The following STON2 variants were observed in gnomAD, a reference collection of about 807,000 sequenced individuals.
The protein encoded by STON2 is stonin 2, also known as stonin-2.
STON2 carries 29 observed loss-of-function variants against 65.7 expected under a neutral mutation model. That is an observed-to-expected ratio of 0.44 (90% CI 0.33 to 0.60). The LOEUF (loss-of-function observed/expected upper bound fraction) is 0.60, where lower values mean the gene tolerates loss of function less well. STON2 is among the 20% of genes least tolerant of loss of function. The pLI is 0.03. For synonymous variants in STON2, 404 were observed against 414.2 expected (o/e 0.98, Z 0.30); for missense variants, 1,054 against 1,118.1 (o/e 0.94, Z 0.82).
intron 5 of STON2, among the ~76,000 whole-genome samples, chr14:81,321,370 T>TAA (rs566882924): frequency 1.8e-3 from 223 of 126,710 alleles, no homozygotes; most frequent in African/African-American, 5.8e-3. Flanking sequence ...GTTTCTACTT[T>TAA]AAAAAAAAAA....
At chr14:81,363,153 T>C (rs1292233048) in intron 4 of STON2, among the ~76,000 whole-genome samples, 1 of 152,200 alleles carries the variant, frequency 6.6e-6, no homozygotes, top group African/African-American at 2.4e-5. Flanking sequence ...TGTGTGACTT[T>C]TGCCAAATCA....
Position 81,277,887 on chromosome 14 carries a change from T to A in STON2, c.1595A>T (p.Lys532Met). ...TGAAATCTCATGACAGATCTCCAGC[T>A]TGAACTCACGGAATGGTTTTTCTAG... Reference protein sequence around the residue: ...QGLEKPFREFKLEICHEISEP... With the variant: ...QGLEKPFREFMLEICHEISEP... Residue 532 changes from lysine to methionine, a missense_variant, in exon 6 of 8, where the codon AAG becomes ATG. Lys to Met is a moderately conservative substitution (Grantham distance 95). Coordinates refer to ENST00000614646, the MANE Select transcript of STON2 (RefSeq NM_001394390.1). 1 of 1,614,218 alleles carries A rather than the reference T, an allele frequency of 6.2e-7. No individual in the cohort carries two copies. The highest frequency in any genetic ancestry group is 8.5e-7 in the Non-Finnish European group (1 of 1,180,042).
At chr14:81,354,893 T>C (rs1268498573) in intron 4 of STON2, among the ~76,000 whole-genome samples, 3 of 151,938 alleles carry the variant, frequency 2.0e-5, no homozygotes, top group Non-Finnish European at 4.4e-5. Flanking sequence ...GGCACGTTCC[T>C]GTAATCCCAG....
At chr14:81,401,355 G>A (rs1056604992), upstream of STON2, among the ~76,000 whole-genome samples, 5 of 152,168 alleles carry the variant, frequency 3.3e-5, no homozygotes, top group African/African-American at 1.2e-4. Flanking sequence ...CCAGACATGG[G>A]CTGGTGACAG....
At chr14:81,421,779 G>C (rs1369508003) in intron 2 of STON2, among the ~76,000 whole-genome samples, 1 of 152,222 alleles carries the variant, frequency 6.6e-6, no homozygotes, top group African/African-American at 2.4e-5. Context: ...CCAGTGATTT[G>C]ATGGGCCCGT....
intron 5 of STON2, among the ~76,000 whole-genome samples, chr14:81,305,587 T>C (rs1896142093): frequency 6.6e-6 from 1 of 152,232 alleles, no homozygotes; most frequent in Non-Finnish European, 1.5e-5. Context: ...GTTTTTTTTA[T>C]ATATTCAGGA....
intron 5 of STON2, among the ~76,000 whole-genome samples, chr14:81,320,399 G>A (rs1391809497): frequency 9.8e-5 from 3 of 30,708 alleles, no homozygotes; most frequent in Non-Finnish European, 2.1e-4. Flanking sequence ...CCTATCTCAA[G>A]GAAATAGATT....
chr14:81,399,392 A>G (rs1900489838), intron 1 of STON2, among the ~76,000 whole-genome samples: 1 of 152,246 alleles, frequency 6.6e-6, no homozygotes, highest in Admixed American at 6.5e-5. Flanking sequence ...AAGAGCTACT[A>G]TATACCTTGA....
chr14:81,388,366 C>G (rs191800696), intron 3 of STON2, among the ~76,000 whole-genome samples: 1 of 152,152 alleles, frequency 6.6e-6, no homozygotes, highest in African/African-American at 2.4e-5. Flanking sequence ...AAGTTGTTGC[C>G]TTGATGATTT....
intron 5 of STON2, among the ~76,000 whole-genome samples, chr14:81,302,453 G>A (rs1267523006): frequency 6.6e-6 from 1 of 152,210 alleles, no homozygotes; most frequent in Non-Finnish European, 1.5e-5. Flanking sequence ...GCAGGTTAGT[G>A]CTTCTGAATG....
In STON2 at chr14:81,263,703, G is replaced by C; in HGVS notation, c.*4711C>G. ...ATTGGACCTCCCTGACTAAGGTCTA[G>C]ATATGCTGGAATTAACATATAATCC... On this transcript the variant is annotated 3_prime_UTR_variant, in exon 8 of 8. Coordinates refer to ENST00000614646, the MANE Select transcript of STON2 (RefSeq NM_001394390.1). 4 of 984,580 alleles carry C rather than the reference G, an allele frequency of 4.1e-6. No homozygotes were observed. The highest frequency in any genetic ancestry group is 4.8e-6 in the Non-Finnish European group (4 of 829,222). 61.0% of individuals were successfully genotyped at this position (984,580 alleles called of 1,614,324 possible).
rs1027907307 is a variant in STON2 at position 81,295,723 on chromosome 14, T to C, written c.743-16984A>G. ...GCACATTGAATCTAAGGCATTCACA[T>C]ATGAATTCATTTCAAAGCACATTGG... On this transcript the variant is annotated intron_variant, in intron 5 of 7. Coordinates refer to ENST00000614646, the MANE Select transcript of STON2 (RefSeq NM_001394390.1). 2.1e-4 allele frequency among the ~76,000 whole-genome samples: 32 copies of C among 152,232 alleles called. 1 individual carries two copies. Among genetic ancestry groups the C allele is most frequent in the Non-Finnish European group, 2.9e-5 (2 of 68,044 alleles).
At chr14:81,378,638 A>G (rs574941890) in intron 3 of STON2, among the ~76,000 whole-genome samples, 173 of 152,322 alleles carry the variant, frequency 1.1e-3, no homozygotes, top group Non-Finnish European at 2.2e-3. Context: ...TGCTACACAT[A>G]TATTTTGTTT....
At chr14:81,419,009 C>T (rs1901574502) in intron 2 of STON2, among the ~76,000 whole-genome samples, 1 of 151,624 alleles carries the variant, frequency 6.6e-6, no homozygotes, top group African/African-American at 2.4e-5. Flanking sequence ...CAAGAAAATA[C>T]CTCTTAAAAT....
chr14:81,313,914 T>C (rs905990696), intron 5 of STON2, among the ~76,000 whole-genome samples: 97 of 151,834 alleles, frequency 6.4e-4, no homozygotes, highest in African/African-American at 2.3e-3. Context: ...TTAGGGAACA[T>C]ACTGTGGGAG....
chr14:81,342,192 T>C (rs1222977184), intron 4 of STON2, among the ~76,000 whole-genome samples: 1 of 151,954 alleles, frequency 6.6e-6, no homozygotes, highest in African/African-American at 2.4e-5. Flanking sequence ...CCGGGTGCCA[T>C]GGTGAGATCT....
Position 81,276,953 on chromosome 14 carries a change from A to G in STON2, c.2529T>C (p.His843=). Residue 843 remains histidine, a synonymous_variant, in exon 6 of 8, where the codon CAT becomes CAC. Coordinates refer to ENST00000614646, the MANE Select transcript of STON2 (RefSeq NM_001394390.1). The stretch of plus-strand genomic sequence containing the variant: ...TCCTCCACACAATGGAGTTGAAGGC[A>G]TGCTCGTACTTGGCAGTTCCCAGAG... ...RVTLGTAKYE[H]AFNSIVWRIN... 1 of 1,614,202 alleles carries G rather than the reference A, an allele frequency of 6.2e-7. No homozygotes were observed. Among genetic ancestry groups the G allele is most frequent in the Admixed American group, 1.7e-5 (1 of 60,034 alleles).
At chr14:81,385,485 T>C (rs955053985) in intron 3 of STON2, among the ~76,000 whole-genome samples, 7 of 152,212 alleles carry the variant, frequency 4.6e-5, no homozygotes, top group Non-Finnish European at 8.8e-5. Context: ...TGTATGCACA[T>C]ACATATGTGT....
intron 5 of STON2, among the ~76,000 whole-genome samples, 113 bp downstream of exon 5, chr14:81,323,904 C>T (rs1384911919): frequency 6.6e-6 from 1 of 152,058 alleles, no homozygotes; most frequent in Non-Finnish European, 1.5e-5. Context: ...ACTAACCAAA[C>T]AAAACACCTT....
Sources: allele counts gnomAD v4.1 joint callset (sites outside exome capture counted in the v4.1 genomes callset), GRCh38; gene constraint gnomAD v4.1.1; transcripts MANE v1.5; gene names NCBI Gene and HGNC (gene_info 2026-07-23, HGNC 2026-07-21).